ITGA1: variants seen among roughly 807,000 people sequenced by gnomAD.
ITGA1 encodes the protein integrin subunit alpha 1.
Under a neutral mutation model 145.9 loss-of-function variants are expected in ITGA1, and 85 were observed. The observed-to-expected ratio is 0.58, with a 90% CI of 0.49 to 0.70. The LOEUF is 0.70. ITGA1 is among the 30% of genes least tolerant of loss of function. The probability of loss-of-function intolerance (pLI) is 0.00; values close to 1 mark genes in which losing one functional copy is unlikely to be tolerated. For missense variants in ITGA1, 1,351 were observed against 1,418.7 expected (o/e 0.95, Z 0.77); for synonymous variants, 520 against 495.3 (o/e 1.05, Z -0.66).
chr5:52,893,921 T>C (rs2111824739), intron 9 of ITGA1, 81 bp downstream of exon 9: 2 of 1,050,934 alleles, frequency 1.9e-6, no homozygotes, highest in Middle Eastern at 2.7e-4. Flanking sequence ...TTATTCCTAA[T>C]ACATCAGTAA....
intron 11 of ITGA1, 38 bp from the exon 12 acceptor site, chr5:52,905,725 G>C: frequency 6.3e-7 from 1 of 1,575,034 alleles, no homozygotes. Flanking sequence ...AAGCCTTTAA[G>C]GGTCCAGGTG....
chr5:52,898,467 C>T (rs978052043), intron 11 of ITGA1, 84 bp downstream of exon 11: 18 of 1,199,378 alleles, frequency 1.5e-5, no homozygotes, highest in Non-Finnish European at 1.8e-5. Context: ...TTTCTATAGG[C>T]TTGCAACCAT....
chr5:52,844,599 T>C (rs891199495), intron 1 of ITGA1, among the ~76,000 whole-genome samples: 4 of 152,180 alleles, frequency 2.6e-5, no homozygotes, highest in African/African-American at 9.7e-5. Flanking sequence ...GCTGGCAAAT[T>C]AAATGAGAGT....
intron 1 of ITGA1, chr5:52,801,951 G>T: frequency 1.3e-6 from 1 of 744,384 alleles, no homozygotes; most frequent in Non-Finnish European, 2.1e-6. Context: ...GATTCATACA[G>T]GGATTTCTTA....
intron 19 of ITGA1, 55 bp downstream of exon 19, chr5:52,925,542 C>A (rs997468932): frequency 6.2e-6 from 8 of 1,280,484 alleles, no homozygotes; most frequent in Non-Finnish European, 7.9e-6. Context: ...ACCTGGCCTA[C>A]TTTTCATGCT....
chr5:52,812,342 A>G (rs1249922583), intron 1 of ITGA1, among the ~76,000 whole-genome samples: 3 of 152,232 alleles, frequency 2.0e-5, no homozygotes, highest in Non-Finnish European at 2.9e-5. Context: ...AGAAAGGTAG[A>G]GAACCCAGAT....
intron 16 of ITGA1, 58 bp downstream of exon 16, chr5:52,918,956 C>T: frequency 1.5e-6 from 2 of 1,369,520 alleles, no homozygotes; most frequent in East Asian, 2.4e-5. Context: ...TTTGCTCTAG[C>T]ATGATGAAGT....
chr5:52,800,933 G>A (rs1185981512), intron 1 of ITGA1: 8 of 1,614,142 alleles, frequency 5.0e-6, no homozygotes, highest in Non-Finnish European at 6.8e-6. Flanking sequence ...CAGCATGACC[G>A]GGCCTTGGAG....
intron 6 of ITGA1, among the ~76,000 whole-genome samples, chr5:52,875,801 T>C (rs10044369): frequency 0.3 from 45,309 of 152,076 alleles, 7,643 homozygotes; most frequent in African/African-American, 0.46. Context: ...TTTGTTGTCA[T>C]CAGCTCTCTA....
rs7704476 is a variant in ITGA1 at position 52,931,968 on chromosome 5, T to A, written c.2772-79T>A. On this transcript the variant is annotated intron_variant, in intron 21 of 28. Transcript: ENST00000282588. ...CTTTTATTTAGTTGCCAGGATAAGC[T>A]TCTCTTTCAAACACTTAGAAATGTC... is the stretch of plus-strand genomic sequence containing the variant. 13 of 833,724 alleles carry A rather than the reference T, an allele frequency of 1.6e-5. No individual in the cohort carries two copies. The African/African-American group carries it at 2.2e-4, about 14-fold the overall frequency. 51.6% of individuals were successfully genotyped at this position (833,724 alleles called of 1,614,324 possible).
intron 1 of ITGA1, among the ~76,000 whole-genome samples, chr5:52,847,085 G>A (rs1749349271): frequency 6.6e-6 from 1 of 151,984 alleles, no homozygotes. Context: ...CAATTTGGGG[G>A]GAAAAATCTG....
chr5:52,839,541 A>G (rs961944833), intron 1 of ITGA1, among the ~76,000 whole-genome samples: 2 of 152,190 alleles, frequency 1.3e-5, no homozygotes, highest in Non-Finnish European at 2.9e-5. Context: ...CAACTGTCCT[A>G]TGTACTCTGT....
At chr5:52,894,304 T>G (rs1750194484) in intron 9 of ITGA1, among the ~76,000 whole-genome samples, 1 of 152,190 alleles carries the variant, frequency 6.6e-6, no homozygotes, top group South Asian at 2.1e-4. Flanking sequence ...CCTTGCCCAT[T>G]TTAAAGGTCT....
chr5:52,861,588 A>G, intron 3 of ITGA1, 29 bp downstream of exon 3: 2 of 1,391,522 alleles, frequency 1.4e-6, no homozygotes, highest in South Asian at 1.2e-5. Context: ...ATCTGGTTTT[A>G]GGCCAGGTGC....
intron 6 of ITGA1, among the ~76,000 whole-genome samples, chr5:52,869,412 C>T (rs377688394): frequency 6.6e-6 from 1 of 152,310 alleles, no homozygotes; most frequent in Admixed American, 6.5e-5. Flanking sequence ...CCGCCTGCCT[C>T]GGCCTCCCAA....
At chr5:52,900,269 T>C (rs750610327) in intron 11 of ITGA1, among the ~76,000 whole-genome samples, 16 of 152,210 alleles carry the variant, frequency 1.1e-4, no homozygotes, top group Non-Finnish European at 1.8e-4. Context: ...GAGGCTTCTG[T>C]TATATGTAGA....
chr5:52,924,173 T>C (rs1353349618), intron 18 of ITGA1, among the ~76,000 whole-genome samples: 1 of 151,674 alleles, frequency 6.6e-6, no homozygotes, highest in Non-Finnish European at 1.5e-5. Flanking sequence ...ACCAGATATA[T>C]TGATTGTCTT....
chr5:52,810,023 T>C (rs766237640), intron 1 of ITGA1, among the ~76,000 whole-genome samples: 32 of 138,694 alleles, frequency 2.3e-4, no homozygotes, highest in Non-Finnish European at 7.8e-5. Flanking sequence ...CTTTGTATAA[T>C]AGTATCCATG....
intron 1 of ITGA1, among the ~76,000 whole-genome samples, chr5:52,791,390 G>GA (rs1274943344): frequency 3.3e-5 from 5 of 152,178 alleles, no homozygotes; most frequent in Non-Finnish European, 7.3e-5. Flanking sequence ...CTAGTTATGG[G>GA]AGGGTGGCCA....
Sources: allele counts gnomAD v4.1 joint callset (sites outside exome capture counted in the v4.1 genomes callset), GRCh38; gene constraint gnomAD v4.1.1; transcripts MANE v1.5; gene names NCBI Gene and HGNC (gene_info 2026-07-23, HGNC 2026-07-21).